MORC1: variants seen among roughly 807,000 people sequenced by gnomAD.
MORC1 encodes MORC family CW-type zinc finger 1.
A neutral mutation model predicts 134.9 loss-of-function variants in MORC1; 59 were observed. The observed-to-expected ratio is 0.44, with a 90% CI of 0.35 to 0.54. The LOEUF (loss-of-function observed/expected upper bound fraction) is 0.54, where lower values mean the gene tolerates loss of function less well. MORC1 is among the 20% of genes least tolerant of loss of function. The pLI is 0.00. For missense variants in MORC1, 947 were observed against 1,134.5 expected, an observed-to-expected ratio of 0.83 and a Z score of 2.37; for synonymous variants, 395 against 391.7, an observed-to-expected ratio of 1.01 and a Z score of -0.10.
Position 109,077,043 on chromosome 3 carries a change from T to A in MORC1, c.690-7286A>T, listed in dbSNP as rs1009631400. Among the ~76,000 whole-genome samples, 5 of 149,528 alleles carry A rather than the reference T, an allele frequency of 3.3e-5. No individual in the cohort carries two copies. The East Asian group carries it at 9.8e-4, about 29-fold the overall frequency. On this transcript the variant is annotated intron_variant, in intron 8 of 27. Coordinates refer to ENST00000232603, the MANE Select transcript of MORC1 (RefSeq NM_014429.4). ...GAGGAAAAAAATAAGTAATTTACAA[T>A]AATTTGGTAATCACATTTCTATCAG... is the stretch of plus-strand genomic sequence containing the variant.
At chr3:109,105,059 CA>C (rs1161844099) in intron 3 of MORC1, among the ~76,000 whole-genome samples, 5 of 152,248 alleles carry the variant, frequency 3.3e-5, no homozygotes, top group East Asian at 3.9e-4. Context: ...TCATTTCCAG[CA>C]CATTTATTAA....
chr3:108,987,453 G>T (rs1246237812), intron 21 of MORC1, among the ~76,000 whole-genome samples: 2 of 152,130 alleles, frequency 1.3e-5, no homozygotes, highest in Non-Finnish European at 2.9e-5. Context: ...GATGGGGAAA[G>T]GGAGTTGACC....
intron 25 of MORC1, 26 bp from the exon 26 acceptor site, chr3:108,969,748 A>G: frequency 1.2e-6 from 2 of 1,604,858 alleles, no homozygotes; most frequent in Non-Finnish European, 1.7e-6. Flanking sequence ...ATAATAGAAC[A>G]GGATATTAGC....
At chr3:109,056,463 G>C (rs1335007112) in intron 13 of MORC1, among the ~76,000 whole-genome samples, 1 of 152,150 alleles carries the variant, frequency 6.6e-6, no homozygotes, top group African/African-American at 2.4e-5. Context: ...TCCTGACCTC[G>C]TGATCCGCCC....
At chr3:109,008,062 G>T (rs898319206) in intron 17 of MORC1, among the ~76,000 whole-genome samples, 1 of 151,932 alleles carries the variant, frequency 6.6e-6, no homozygotes, top group Non-Finnish European at 1.5e-5. Flanking sequence ...CCTTTTCATC[G>T]AAGGATATAT....
In MORC1 at chr3:108,979,624, G is replaced by A; in HGVS notation, c.2368C>T (p.His790Tyr). 1 of 1,614,128 alleles carries A rather than the reference G, an allele frequency of 6.2e-7. No homozygotes were observed. Among genetic ancestry groups the A allele is most frequent in the Non-Finnish European group, 8.5e-7 (1 of 1,180,002 alleles). ...CCACTCACAGAAACTCTGGCTATGT[G>A]TCCAGAACTTAGATTCACATCTTCC... ...PMEDVNLSSG[H>Y]IARVSVSGSC... Residue 790 changes from histidine (H) to tyrosine (Y), a missense_variant, in exon 24 of 28, where the codon CAC (histidine) becomes TAC (tyrosine). Physicochemically the swap from His to Tyr is moderately conservative, Grantham distance 83. Coordinates refer to ENST00000232603, the MANE Select transcript of MORC1 (RefSeq NM_014429.4).
intron 21 of MORC1, among the ~76,000 whole-genome samples, chr3:108,996,286 G>GCGCGCACACACACACACACACACA: frequency 0.017 from 2,500 of 146,346 alleles, 24 homozygotes; most frequent in Middle Eastern, 0.025. Context: ...GCGCGCGCGC[G>GCGCGCACACACACACACACACACA]CACACACACA....
Position 109,004,892 on chromosome 3 carries a change from T to C in MORC1, c.2014-4A>G. On this transcript the variant is annotated splice_region_variant and splice_polypyrimidine_tract_variant and intron_variant, in intron 19 of 27. Transcript: ENST00000232603. ...TAATATTAGCAATCTGACTTCTCTT[T>C]CAAAACAGAGAATACAGAAAAAAAA... 2 of 1,612,178 alleles carry C rather than the reference T, an allele frequency of 1.2e-6. No homozygotes were observed. Among genetic ancestry groups the C allele is most frequent in the East Asian group, 2.2e-5 (1 of 44,844 alleles).
chr3:108,968,069 A>G (rs1307973756), intron 26 of MORC1, among the ~76,000 whole-genome samples: 1 of 152,196 alleles, frequency 6.6e-6, no homozygotes, highest in East Asian at 1.9e-4. Flanking sequence ...TGGCAGCTCT[A>G]GTGGCTCCCA....
At chr3:109,095,128 T>C in intron 6 of MORC1, 60 bp from the exon 7 acceptor site, 3 of 1,459,524 alleles carry the variant, frequency 2.1e-6, no homozygotes, top group Non-Finnish European at 2.8e-6. Flanking sequence ...TATTCTTTTG[T>C]CTTATCTATT....
chr3:109,008,115 T>C (rs1948591746), intron 17 of MORC1, among the ~76,000 whole-genome samples: 1 of 152,184 alleles, frequency 6.6e-6, no homozygotes. Flanking sequence ...CTTCTTATTC[T>C]TTTACAGCTG....
intron 16 of MORC1, among the ~76,000 whole-genome samples, chr3:109,028,262 A>G (rs1326201013): frequency 6.6e-6 from 1 of 152,140 alleles, no homozygotes; most frequent in African/African-American, 2.4e-5. Flanking sequence ...AGCGAAATAT[A>G]TATGTCTCTT....
chr3:109,013,367 A>G (rs1016605812), intron 17 of MORC1, among the ~76,000 whole-genome samples: 2 of 152,126 alleles, frequency 1.3e-5, no homozygotes, highest in African/African-American at 4.8e-5. Flanking sequence ...GCAAATTTCT[A>G]GGCAAGTTAT....
At chr3:109,076,275 A>G (rs1223863493) in intron 8 of MORC1, among the ~76,000 whole-genome samples, 1 of 152,240 alleles carries the variant, frequency 6.6e-6, no homozygotes, top group African/African-American at 2.4e-5. Context: ...CAAAACCACA[A>G]AGAGATACCA....
rs1431126701 is a variant in MORC1 at position 109,110,774 on chromosome 3, C to A, written c.129G>T (p.Gly43=). ...AELLDNARDA[G]AERLDVFSVD... is the part of the protein sequence containing the mutation. ...CTGAAAAGACATCAAGTCTTTCAGC[C>A]CCTGCATCTCTGGAAACAATACAAA... The change falls in exon 3 of 28, where the codon GGG becomes GGT. Residue 43 remains glycine, a synonymous_variant. Coordinates refer to ENST00000232603, the MANE Select transcript of MORC1 (RefSeq NM_014429.4). The A allele has an allele frequency of 1.3e-6, 2 of 1,586,178 alleles. No individual in the cohort carries two copies. The highest frequency in any genetic ancestry group is 1.7e-6 in the Non-Finnish European group (2 of 1,172,716).
chr3:109,109,451 C>T (rs1951114826), intron 3 of MORC1, among the ~76,000 whole-genome samples: 1 of 152,136 alleles, frequency 6.6e-6, no homozygotes, highest in African/African-American at 2.4e-5. Flanking sequence ...ATTACCTAGA[C>T]AGGAATATTC....
At chr3:109,102,752 T>C (rs747462543) in intron 4 of MORC1, among the ~76,000 whole-genome samples, 3 of 152,222 alleles carry the variant, frequency 2.0e-5, no homozygotes, top group Non-Finnish European at 2.9e-5. Flanking sequence ...ATATATTCTG[T>C]CATTTATTTT....
At chr3:109,037,176 T>C (rs1949399906) in intron 14 of MORC1, among the ~76,000 whole-genome samples, 1 of 152,192 alleles carries the variant, frequency 6.6e-6, no homozygotes, top group African/African-American at 2.4e-5. Context: ...GATCCACCAT[T>C]CTTATCTCAC....
Position 109,103,489 on chromosome 3 carries a change from C to A in MORC1, c.223+360G>T, listed in dbSNP as rs142577949. 4.4e-3 allele frequency among the ~76,000 whole-genome samples: 672 copies of A among 152,270 alleles called. 3 individuals are homozygous for A. The highest frequency in any genetic ancestry group is 0.015 in the African/African-American group (619 of 41,550). ...AATAGCCTACAGGCACAGGAAACTG[C>A]CTGGGGCTCTCACAAGCAATACCTA... On this transcript the variant is annotated intron_variant, in intron 4 of 27. Transcript: ENST00000232603.
Sources: gnomAD v4.1 joint callset for allele counts (sites outside exome capture counted in the v4.1 genomes callset) on GRCh38, gnomAD v4.1.1 for gene constraint, MANE v1.5 for transcripts, NCBI Gene and HGNC (gene_info 2026-07-23, HGNC 2026-07-21) for gene names.